Variants in SLCO5A1 observed in about 807,000 individuals in gnomAD.
SLCO5A1 encodes the protein organic anion transporter polypeptide-related protein 4.
A neutral mutation model predicts 65.1 loss-of-function variants in SLCO5A1; 39 were observed. The observed-to-expected ratio is 0.60, with a 90% CI of 0.46 to 0.78. SLCO5A1 has a LOEUF of 0.78. Ranked by LOEUF, SLCO5A1 falls within the 30% of genes least tolerant of loss-of-function variation. The probability of loss-of-function intolerance (pLI) is 0.00; values close to 1 mark genes in which losing one functional copy is unlikely to be tolerated. For missense variants in SLCO5A1, 1,029 were observed against 1,069.4 expected (o/e 0.96, Z 0.53); for synonymous variants, 438 against 415.7 (o/e 1.05, Z -0.65).
At chr8:69,704,317 G>C (rs960371169) in intron 6 of SLCO5A1, among the ~76,000 whole-genome samples, 3 of 152,164 alleles carry the variant, frequency 2.0e-5, no homozygotes, top group African/African-American at 7.2e-5. Context: ...CTATTTGATA[G>C]GTTATTGAGA....
At chr8:69,810,283 G>A (rs1820159716) in intron 2 of SLCO5A1, among the ~76,000 whole-genome samples, 1 of 152,212 alleles carries the variant, frequency 6.6e-6, no homozygotes, top group Admixed American at 6.5e-5. Context: ...CTGGGAGAAG[G>A]AAGCCAGGTC....
chr8:69,772,934 T>C (rs1161440347), intron 2 of SLCO5A1: 1 of 985,180 alleles, frequency 1.0e-6, no homozygotes. Flanking sequence ...GATCCAAGGT[T>C]CAGTGAGTGG....
chr8:69,688,864 G>T (rs184485365), intron 6 of SLCO5A1, among the ~76,000 whole-genome samples: 3,162 of 152,262 alleles, frequency 0.021, 87 homozygotes, highest in African/African-American at 0.063. Flanking sequence ...GTAATGGGAT[G>T]GCTGGGTCTA....
At chr8:69,763,874 C>A (rs1435118112) in intron 2 of SLCO5A1, among the ~76,000 whole-genome samples, 1 of 151,876 alleles carries the variant, frequency 6.6e-6, no homozygotes, top group South Asian at 2.1e-4. Flanking sequence ...AATCAATAAA[C>A]ACTTTTTTTT....
At chr8:69,789,109 A>G (rs772436755) in intron 2 of SLCO5A1, among the ~76,000 whole-genome samples, 42 of 152,196 alleles carry the variant, frequency 2.8e-4, no homozygotes, top group Non-Finnish European at 5.1e-4. Context: ...AAGAAACAGA[A>G]CGCATTCTCA....
At chr8:69,732,921 C>T (rs970623501) in intron 5 of SLCO5A1, among the ~76,000 whole-genome samples, 3 of 152,072 alleles carry the variant, frequency 2.0e-5, no homozygotes, top group African/African-American at 7.2e-5. Flanking sequence ...TATTTATATA[C>T]TCCAAGGAGT....
intron 2 of SLCO5A1, among the ~76,000 whole-genome samples, chr8:69,796,349 C>T (rs1282688255): frequency 6.6e-6 from 1 of 151,856 alleles, no homozygotes; most frequent in Non-Finnish European, 1.5e-5. Context: ...TGCAGTGGCT[C>T]ACACCTGTAA....
At chr8:69,723,858 C>T (rs903391520) in intron 5 of SLCO5A1, among the ~76,000 whole-genome samples, 21 of 151,614 alleles carry the variant, frequency 1.4e-4, no homozygotes, top group African/African-American at 4.8e-4. Context: ...CTGCAACCTC[C>T]GCCTCCCGGG....
chr8:69,743,028 C>A (rs950205622), intron 4 of SLCO5A1, among the ~76,000 whole-genome samples: 3 of 152,012 alleles, frequency 2.0e-5, no homozygotes, highest in Admixed American at 6.6e-5. Context: ...TCTCGATCTC[C>A]TGACCTTGTG....
intron 2 of SLCO5A1, among the ~76,000 whole-genome samples, chr8:69,806,274 TAAGC>T (rs1819985578): frequency 6.6e-6 from 1 of 152,222 alleles, no homozygotes. Context: ...TCTTCCTATT[TAAGC>T]ACCCCTCCCC....
intron 2 of SLCO5A1, among the ~76,000 whole-genome samples, chr8:69,821,992 G>A (rs1440469501): frequency 6.6e-6 from 1 of 151,990 alleles, no homozygotes; most frequent in Admixed American, 6.6e-5. Flanking sequence ...CAGGCGTGGT[G>A]GCAGGTGCCT....
At chr8:69,698,902 T>C (rs34310639) in intron 6 of SLCO5A1, among the ~76,000 whole-genome samples, 16,990 of 152,220 alleles carry the variant, frequency 0.11, 1,191 homozygotes, top group Non-Finnish European at 0.16. Context: ...TGGATACAAC[T>C]GACGAAACTT....
intron 6 of SLCO5A1, among the ~76,000 whole-genome samples, chr8:69,687,148 A>G (rs1814036705): frequency 1.3e-5 from 2 of 152,224 alleles, no homozygotes; most frequent in South Asian, 4.1e-4. Context: ...CAAAAAGGAT[A>G]AAATAGCTTT....
chr8:69,761,428 C>T (rs767714094), intron 3 of SLCO5A1: 6 of 276,120 alleles, frequency 2.2e-5, no homozygotes, highest in Admixed American at 5.6e-5. Context: ...ATCGAATCTC[C>T]TTCTTTGATT....
chr8:69,737,079 CAT>C (rs1478085355), intron 5 of SLCO5A1, among the ~76,000 whole-genome samples: 4 of 152,196 alleles, frequency 2.6e-5, no homozygotes, highest in African/African-American at 9.6e-5. Flanking sequence ...TTTATAAAAA[CAT>C]GTGCTATCCT....
rs868788616 is a variant in SLCO5A1 at position 69,708,270 on chromosome 8, T to C, written c.1424-3041A>G. ...TAGCCATGTAATCATGCAGGCTTCC[T>C]AAACTTTCTAACTCAGACTTCTTTG... On this transcript the variant is annotated intron_variant, in intron 5 of 9. Coordinates refer to ENST00000260126, the MANE Select transcript of SLCO5A1 (RefSeq NM_030958.3). 7.2e-5 allele frequency among the ~76,000 whole-genome samples: 11 copies of C among 152,330 alleles called. No individual in the cohort carries two copies. The Middle Eastern group carries it at 0.01, about 141-fold the overall frequency.
intron 4 of SLCO5A1, among the ~76,000 whole-genome samples, chr8:69,739,341 A>G (rs939479813): frequency 2.0e-5 from 3 of 152,168 alleles, no homozygotes; most frequent in Non-Finnish European, 2.9e-5. Flanking sequence ...ATTCAAATTA[A>G]GCTTAGCAGT....
In SLCO5A1 at chr8:69,673,044, C is replaced by G. The variant is rs759957081; in HGVS notation, c.2372G>C (p.Arg791Pro). 6.2e-7 allele frequency: 1 copy of G among 1,614,186 alleles called. No individual in the cohort carries two copies. The highest frequency in any genetic ancestry group is 8.5e-7 in the Non-Finnish European group (1 of 1,180,038). Residue 791 changes from arginine (R) to proline (P), a missense_variant, in exon 10 of 10, where the codon CGG (arginine) becomes CCG (proline). Arg to Pro is a moderately radical substitution (Grantham distance 103). This residue lies in a region of SLCO5A1 where 258 missense variants were observed against 237.4 expected (regional missense o/e 1.09). Coordinates refer to ENST00000260126, the MANE Select transcript of SLCO5A1 (RefSeq NM_030958.3). The stretch of plus-strand genomic sequence containing the variant: ...GCTGAAAGCTGGGCAAGATCTAGTC[C>G]GGGCATTGTCGGGGTGTCCCACTCT... ...SERVGHPDNA[R>P]TRSCPAFSTQ...
intron 5 of SLCO5A1, among the ~76,000 whole-genome samples, chr8:69,711,067 T>A (rs1350325301): frequency 1.3e-5 from 2 of 152,008 alleles, no homozygotes; most frequent in Non-Finnish European, 1.5e-5. Context: ...TAGTTCCGGG[T>A]GAGCTTATGG....
Sources: gnomAD v4.1 joint callset for allele counts (sites outside exome capture counted in the v4.1 genomes callset) on GRCh38, gnomAD v4.1.1 for gene constraint, gnomAD v4.1.1 regional missense constraint, MANE v1.5 for transcripts, NCBI Gene and HGNC (gene_info 2026-07-23, HGNC 2026-07-21) for gene names.